Variants in SKAP1 observed in about 807,000 individuals in gnomAD.
SKAP1 encodes src kinase-associated phosphoprotein 1.
Under a neutral mutation model 58.5 loss-of-function variants are expected in SKAP1, and 44 were observed. The observed-to-expected ratio is 0.75, with a 90% CI of 0.59 to 0.97. SKAP1 has a LOEUF of 0.97. Among genes scored for constraint, SKAP1 ranks in the 50% least tolerant of loss-of-function variants. The pLI, the probability that SKAP1 is intolerant of heterozygous loss-of-function variation, is 0.00. For missense variants in SKAP1, 390 were observed against 435.2 expected (o/e 0.90, Z 0.92); for synonymous variants, 127 against 149.7 (o/e 0.85, Z 1.11).
At chr17:48,155,976 C>T (rs1465668304) in intron 11 of SKAP1, among the ~76,000 whole-genome samples, 2 of 152,208 alleles carry the variant, frequency 1.3e-5, no homozygotes, top group Non-Finnish European at 2.9e-5. Flanking sequence ...GATTCGGCAC[C>T]TGCCCTGTCA....
At chr17:48,187,218 G>T (rs2064468678) in intron 6 of SKAP1, among the ~76,000 whole-genome samples, 1 of 152,162 alleles carries the variant, frequency 6.6e-6, no homozygotes, top group African/African-American at 2.4e-5. Flanking sequence ...GTCTTCTAGG[G>T]TTAGCTCATG....
At chr17:48,443,590 C>T in the SKAP1 span, among the ~76,000 whole-genome samples, 1 of 152,148 alleles carries the variant, frequency 6.6e-6, no homozygotes, top group African/African-American at 2.4e-5. Flanking sequence ...ATTCTCCTGC[C>T]TCAGACTTCC....
chr17:48,275,457 C>T (rs577727778), intron 4 of SKAP1, among the ~76,000 whole-genome samples: 1 of 152,286 alleles, frequency 6.6e-6, no homozygotes, highest in South Asian at 2.1e-4. Flanking sequence ...TGTTTTCTTC[C>T]TTTATAGTCT....
intron 4 of SKAP1, among the ~76,000 whole-genome samples, chr17:48,309,877 T>C (rs1054547120): frequency 2.0e-5 from 3 of 152,174 alleles, no homozygotes; most frequent in African/African-American, 7.2e-5. Flanking sequence ...TACTTGAAAA[T>C]GTTGTCTTGG....
At chr17:48,309,578 T>C (rs9898947) in intron 4 of SKAP1, among the ~76,000 whole-genome samples, 107 of 152,292 alleles carry the variant, frequency 7.0e-4, no homozygotes, top group African/African-American at 2.5e-3. Flanking sequence ...GATATAAATA[T>C]ATACATATGT....
At chr17:48,155,410 G>A (rs1411897319) in intron 11 of SKAP1, among the ~76,000 whole-genome samples, 2 of 151,160 alleles carry the variant, frequency 1.3e-5, no homozygotes, top group Non-Finnish European at 2.9e-5. Flanking sequence ...GAGCCACCAC[G>A]CCCTGCCAAC....
chr17:48,359,280 A>T (rs1212548323), intron 3 of SKAP1, among the ~76,000 whole-genome samples: 1 of 152,068 alleles, frequency 6.6e-6, no homozygotes, highest in Non-Finnish European at 1.5e-5. Context: ...CCTCTCCCAT[A>T]TTATTTGTCA....
chr17:48,251,552 T>C (rs540834120), intron 4 of SKAP1, among the ~76,000 whole-genome samples: 48 of 152,344 alleles, frequency 3.2e-4, no homozygotes, highest in African/African-American at 1.1e-3. Context: ...GCTGTATTCA[T>C]TTATCTTTAA....
intron 11 of SKAP1, among the ~76,000 whole-genome samples, chr17:48,158,504 C>G (rs1341126537): frequency 7.9e-5 from 10 of 126,884 alleles, no homozygotes; most frequent in Admixed American, 5.9e-4. Flanking sequence ...GGAGGCGGAG[C>G]TTGCAGTGAG....
intron 4 of SKAP1, among the ~76,000 whole-genome samples, chr17:48,291,000 TGGCATGC>T (rs1255839356): frequency 2.6e-5 from 4 of 152,040 alleles, no homozygotes; most frequent in African/African-American, 9.7e-5. Flanking sequence ...CTGGCTGTGG[TGGCATGC>T]GCCTGTAATC....
chr17:48,252,443 TGCGCTGG>T (rs2065374702), intron 4 of SKAP1, among the ~76,000 whole-genome samples: 1 of 152,242 alleles, frequency 6.6e-6, no homozygotes, highest in Non-Finnish European at 1.5e-5. Flanking sequence ...TATGTTGTTT[TGCGCTGG>T]ATTTCATCCA....
chr17:48,337,704 CA>C (rs1415079472), intron 4 of SKAP1, among the ~76,000 whole-genome samples: 3 of 152,118 alleles, frequency 2.0e-5, no homozygotes, highest in African/African-American at 4.8e-5. Flanking sequence ...TAAACTATAC[CA>C]CTTCCAAATC....
chr17:48,355,941 C>A (rs1342605865), intron 3 of SKAP1, among the ~76,000 whole-genome samples: 1 of 152,114 alleles, frequency 6.6e-6, no homozygotes, highest in Non-Finnish European at 1.5e-5. Context: ...TCATCAGGGC[C>A]TTTCCCATTA....
At chr17:48,333,760 T>C (rs959263859) in intron 4 of SKAP1, among the ~76,000 whole-genome samples, 23 of 152,074 alleles carry the variant, frequency 1.5e-4, no homozygotes, top group African/African-American at 5.5e-4. Flanking sequence ...CCTTCTAATG[T>C]ATCTCATCCC....
rs541837840 is a variant in SKAP1, at chr17:48,370,619, C to T, written c.153-6805G>A. 3.5e-4 allele frequency among the ~76,000 whole-genome samples: 53 copies of T among 152,192 alleles called. 1 individual carries two copies. The highest frequency in any genetic ancestry group is 1.3e-3 in the African/African-American group (53 of 41,526). Reference sequence around the variant, plus strand: ...GCCAGAATGGTTATTATTAAGAAGTCAAGAAACAACAGGTGCTGGTGAGGC... The same window carrying T: ...GCCAGAATGGTTATTATTAAGAAGTTAAGAAACAACAGGTGCTGGTGAGGC... On this transcript the variant is annotated intron_variant, in intron 2 of 12. Transcript: ENST00000336915.
At chr17:48,270,009 G>A (rs1011058695) in intron 4 of SKAP1, among the ~76,000 whole-genome samples, 11 of 152,258 alleles carry the variant, frequency 7.2e-5, no homozygotes, top group Admixed American at 7.2e-4. Flanking sequence ...CTACTCAGGA[G>A]GCTGAGGCAG....
chr17:48,367,914 CAAAAAA>C (rs66499523), intron 2 of SKAP1, among the ~76,000 whole-genome samples: 1 of 132,944 alleles, frequency 7.5e-6, no homozygotes, highest in African/African-American at 2.7e-5. Flanking sequence ...GATCCTGTCT[CAAAAAA>C]AAAAAAAAGA....
chr17:48,232,243 T>C (rs1281460969), intron 4 of SKAP1, among the ~76,000 whole-genome samples: 2 of 152,366 alleles, frequency 1.3e-5, no homozygotes, highest in East Asian at 1.9e-4. Flanking sequence ...TATGCCAGGT[T>C]GGGCACCACC....
the SKAP1 span, among the ~76,000 whole-genome samples, chr17:48,438,960 T>C: frequency 1.3e-5 from 2 of 152,224 alleles, no homozygotes; most frequent in Non-Finnish European, 2.9e-5. Flanking sequence ...AATGAAAAGA[T>C]AAATAAGTGG....
Sources: gnomAD v4.1 joint callset for allele counts (sites outside exome capture counted in the v4.1 genomes callset) on GRCh38, gnomAD v4.1.1 for gene constraint, MANE v1.5 for transcripts, NCBI Gene and HGNC (gene_info 2026-07-23, HGNC 2026-07-21) for gene names.